The following PCSK5 variants were observed in gnomAD, a reference collection of about 807,000 sequenced individuals.
The protein encoded by PCSK5 is proprotein convertase subtilisin/kexin type 5.
Under a neutral mutation model 233.2 loss-of-function variants are expected in PCSK5, and 129 were observed. That is an observed-to-expected ratio of 0.55 (90% CI 0.48 to 0.64). PCSK5 has a LOEUF of 0.64. Ranked by LOEUF, PCSK5 falls within the 30% of genes least tolerant of loss-of-function variation. The pLI, the probability that PCSK5 is intolerant of heterozygous loss-of-function variation, is 0.00. For synonymous variants in PCSK5, 825 were observed against 879.2 expected (o/e 0.94, Z 1.09); for missense variants, 2,076 against 2,430.1 (o/e 0.85, Z 3.06).
intron 24 of PCSK5, among the ~76,000 whole-genome samples, chr9:76,243,569 C>G (rs1256770738): frequency 1.3e-5 from 2 of 151,984 alleles, no homozygotes; most frequent in Admixed American, 6.6e-5. Context: ...ATTTCTGAAC[C>G]CTTTGTTGAT....
At chr9:76,320,218 C>T (rs1183237862) in intron 30 of PCSK5, among the ~76,000 whole-genome samples, 1 of 151,854 alleles carries the variant, frequency 6.6e-6, no homozygotes, top group Non-Finnish European at 1.5e-5. Context: ...GTAGGCTGGA[C>T]CCTACAGACC....
chr9:76,189,029 A>G, intron 18 of PCSK5, 65 bp from the exon 19 acceptor site: 1 of 1,434,486 alleles, frequency 7.0e-7, no homozygotes, highest in Non-Finnish European at 9.6e-7. Flanking sequence ...GTTAAAGAAG[A>G]AGCCCATGAC....
chr9:76,233,389 A>G (rs1826152806), intron 21 of PCSK5, 71 bp from the exon 22 acceptor site: 2 of 1,459,148 alleles, frequency 1.4e-6, no homozygotes, highest in South Asian at 2.4e-5. Context: ...CATGAATACC[A>G]CATGTTCTGA....
At chr9:75,983,592 A>C (rs1310664648) in intron 2 of PCSK5, among the ~76,000 whole-genome samples, 1 of 152,182 alleles carries the variant, frequency 6.6e-6, no homozygotes, top group Non-Finnish European at 1.5e-5. Context: ...TGATGATTTC[A>C]AAGGTCCTGT....
chr9:75,983,769 C>T (rs1388554067), intron 2 of PCSK5, among the ~76,000 whole-genome samples: 1 of 152,100 alleles, frequency 6.6e-6, no homozygotes, highest in Non-Finnish European at 1.5e-5. Flanking sequence ...GGCTTCTTGG[C>T]AAGAAATAAA....
At chr9:76,116,986 C>A (rs1832449606) in intron 9 of PCSK5, among the ~76,000 whole-genome samples, 1 of 132,618 alleles carries the variant, frequency 7.5e-6, no homozygotes. Flanking sequence ...AGTGAGATAT[C>A]GCGCCAACAA....
intron 24 of PCSK5, among the ~76,000 whole-genome samples, chr9:76,257,882 C>T (rs1827035575): frequency 1.3e-5 from 2 of 152,222 alleles, no homozygotes; most frequent in Admixed American, 1.3e-4. Context: ...TAGCAACCAA[C>T]TTTCCTTTAT....
chr9:75,971,342 A>AT (rs1825809883), intron 2 of PCSK5, among the ~76,000 whole-genome samples: 1 of 152,094 alleles, frequency 6.6e-6, no homozygotes, highest in South Asian at 2.1e-4. Flanking sequence ...ATTGATTGGC[A>AT]TTTGGGTTGA....
intron 5 of PCSK5, among the ~76,000 whole-genome samples, chr9:76,027,460 C>T (rs1363038590): frequency 6.6e-6 from 1 of 152,082 alleles, no homozygotes; most frequent in East Asian, 1.9e-4. Flanking sequence ...ACTCCTCCTT[C>T]GCTCCTCTCT....
chr9:75,927,455 T>A (rs1218794095), intron 1 of PCSK5, among the ~76,000 whole-genome samples: 1 of 152,120 alleles, frequency 6.6e-6, no homozygotes, highest in Non-Finnish European at 1.5e-5. Flanking sequence ...GGTGACCAAC[T>A]GTCCCTATTT....
At chr9:76,226,567 G>T (rs1825899219) in intron 20 of PCSK5, among the ~76,000 whole-genome samples, 1 of 152,178 alleles carries the variant, frequency 6.6e-6, no homozygotes, top group African/African-American at 2.4e-5. Flanking sequence ...GGCTTATGGG[G>T]GCTGTCAGAG....
intron 2 of PCSK5, 29 bp from the exon 3 acceptor site, chr9:75,986,103 G>C: frequency 7.8e-7 from 1 of 1,282,788 alleles, no homozygotes; most frequent in Non-Finnish European, 1.1e-6. Flanking sequence ...GATGGAACGT[G>C]AATACTCACC....
intron 5 of PCSK5, among the ~76,000 whole-genome samples, chr9:76,050,476 T>C (rs1470119954): frequency 6.6e-6 from 1 of 152,212 alleles, no homozygotes; most frequent in Non-Finnish European, 1.5e-5. Context: ...ACACTTCATA[T>C]TTCATGCATT....
intron 24 of PCSK5, among the ~76,000 whole-genome samples, chr9:76,271,056 C>T (rs948653031): frequency 5.3e-5 from 8 of 152,078 alleles, no homozygotes; most frequent in African/African-American, 1.9e-4. Context: ...TCCTGAGTCC[C>T]AGGGATCCAA....
chr9:76,112,274 T>A (rs529752660), intron 9 of PCSK5, among the ~76,000 whole-genome samples: 1 of 152,274 alleles, frequency 6.6e-6, no homozygotes, highest in East Asian at 1.9e-4. Context: ...CCTAAAAGGG[T>A]ATTGGTATAA....
At chr9:76,264,226 A>C (rs1002455621) in intron 24 of PCSK5, among the ~76,000 whole-genome samples, 9 of 152,226 alleles carry the variant, frequency 5.9e-5, no homozygotes, top group African/African-American at 2.2e-4. Context: ...CCTATTTGAT[A>C]AATGGTGCTG....
At chr9:76,022,990 A>G (rs1362484787) in intron 3 of PCSK5, among the ~76,000 whole-genome samples, 1 of 152,196 alleles carries the variant, frequency 6.6e-6, no homozygotes, top group Non-Finnish European at 1.5e-5. Flanking sequence ...TGGCTGCTGT[A>G]CAGAGAAGCT....
intron 30 of PCSK5, among the ~76,000 whole-genome samples, chr9:76,315,671 G>C (rs1396016456): frequency 7.1e-6 from 1 of 139,910 alleles, no homozygotes; most frequent in Non-Finnish European, 1.5e-5. Context: ...TTGAGACAGA[G>C]TCTTGCTCTG....
intron 15 of PCSK5, among the ~76,000 whole-genome samples, chr9:76,180,036 G>GCATAA (rs1823780366): frequency 7.0e-6 from 1 of 143,426 alleles, no homozygotes; most frequent in Non-Finnish European, 1.5e-5. Flanking sequence ...AGTAAAAACT[G>GCATAA]CATGTATTTA....
Sources: allele counts gnomAD v4.1 joint callset (sites outside exome capture counted in the v4.1 genomes callset), GRCh38; gene constraint gnomAD v4.1.1; transcripts MANE v1.5; gene names NCBI Gene and HGNC (gene_info 2026-07-23, HGNC 2026-07-21).